CAPN1: variants seen among roughly 807,000 people sequenced by gnomAD.
CAPN1 encodes calpain 1, also known as calpain-1 catalytic subunit.
A neutral mutation model predicts 105.2 loss-of-function variants in CAPN1; 77 were observed. That is an observed-to-expected ratio of 0.73 (90% CI 0.61 to 0.88). The LOEUF (loss-of-function observed/expected upper bound fraction) is 0.88, where lower values mean the gene tolerates loss of function less well. Among genes scored for constraint, CAPN1 ranks in the 40% least tolerant of loss-of-function variants. The pLI, the probability that CAPN1 is intolerant of heterozygous loss-of-function variation, is 0.00. For synonymous variants in CAPN1, 355 were observed against 388.8 expected, an observed-to-expected ratio of 0.91 and a Z score of 1.02; for missense variants, 833 against 976.6, an observed-to-expected ratio of 0.85 and a Z score of 1.96.
Position 65,211,456 on chromosome 11 carries a change from C to G in CAPN1, c.*170C>G, listed in dbSNP as rs768454398. ...CCCAGCCACCATCGTTCATCTGCTC[C>G]GGGCAGAACTGTGTGGCCCCTGCCT... On this transcript the variant is annotated 3_prime_UTR_variant, in exon 22 of 22. Transcript: ENST00000279247. The G allele has an allele frequency of 3.0e-6, 2 of 673,764 alleles. No homozygotes were observed. Among genetic ancestry groups the G allele is most frequent in the South Asian group, 3.4e-5 (2 of 59,028 alleles). The allele number at this position is 673,764 out of a possible 1,614,324, so 41.7% of individuals were successfully genotyped here.
At position 65,211,565 on chromosome 11, in the gene CAPN1, G is replaced by T; in HGVS notation, c.*279G>T. Reference sequence around the variant, plus strand: ...GGCAGCTTTCGCTTGTTCCTGCCTCGGGACAGCCCCGGGTTTCCCCAGCAT... The same window carrying T: ...GGCAGCTTTCGCTTGTTCCTGCCTCTGGACAGCCCCGGGTTTCCCCAGCAT... On this transcript the variant is annotated 3_prime_UTR_variant, in exon 22 of 22. Transcript: ENST00000279247. 1.8e-6 allele frequency: 1 copy of T among 569,642 alleles called. No individual in the cohort carries two copies. Among genetic ancestry groups the T allele is most frequent in the Non-Finnish European group, 3.2e-6 (1 of 315,980 alleles). The allele number at this position is 569,642 out of a possible 1,614,324, so 35.3% of individuals were successfully genotyped here. A position where few individuals can be genotyped will look rare whatever the true frequency, so the allele number is the denominator to read the frequency against.
In CAPN1 at chr11:65,188,675, A is replaced by G. The variant is rs1327700684; in HGVS notation, c.1094A>G (p.Lys365Arg). The G allele has an allele frequency of 3.1e-6, 5 of 1,613,466 alleles. No individual in the cohort carries two copies. Among genetic ancestry groups the G allele is most frequent in the Non-Finnish European group, 4.2e-6 (5 of 1,179,740 alleles). ...PDALKSRTIRKWNTTLYEGTW... is the reference protein window; with the variant it reads ...PDALKSRTIRRWNTTLYEGTW... ...GCCCTCAAGAGCCGGACCATCCGCA[A>G]ATGGAACACCACACTCTACGAAGGC... The change falls in exon 10 of 22, where the codon AAA (lysine) becomes AGA (arginine). Residue 365 changes from lysine to arginine, a missense_variant. Coordinates refer to ENST00000279247, the MANE Select transcript of CAPN1 (RefSeq NM_005186.4). The surrounding 1 kb of genome is among the most constrained non-coding windows in gnomAD (Gnocchi z 5.5).
At chr11:65,199,189 C>T (rs1948833376) in intron 10 of CAPN1, among the ~76,000 whole-genome samples, 1 of 152,076 alleles carries the variant, frequency 6.6e-6, no homozygotes, top group African/African-American at 2.4e-5. Context: ...TATAAACTTT[C>T]TCAGTGTTTG....
intron 1 of CAPN1, chr11:65,182,322 G>C: frequency 5.5e-6 from 1 of 181,908 alleles, no homozygotes; most frequent in Non-Finnish European, 1.1e-5. Flanking sequence ...AGTTTGGGGA[G>C]GGGGTTGCAG....
Position 65,182,722 on chromosome 11 carries a change from GC to G in CAPN1, c.23del (p.Pro8ArgfsTer168). 1 of 1,576,288 alleles carries G rather than the reference GC, an allele frequency of 6.3e-7. No homozygotes were observed. On this transcript the variant is annotated frameshift_variant, in exon 2 of 22. Coordinates refer to ENST00000279247, the MANE Select transcript of CAPN1 (RefSeq NM_005186.4). LOFTEE classifies it high-confidence loss of function. ...GCAGGATGTCGGAGGAGATCATCACGCCGGTGTACTGCACTGGGGTGTCAGC... is the reference window on the plus strand; with the variant it reads ...GCAGGATGTCGGAGGAGATCATCACGCGGTGTACTGCACTGGGGTGTCAGC... MSEEIIT[P>X]VYCTGVSAQV...
At chr11:65,187,149 C>A in intron 6 of CAPN1, 66 bp from the exon 7 acceptor site, 2 of 1,194,990 alleles carry the variant, frequency 1.7e-6, no homozygotes, top group Non-Finnish European at 2.5e-6. Flanking sequence ...ACCCTGAGTG[C>A]TGGGGGCTCA....
At chr11:65,183,354 T>A (rs1326312827) in intron 3 of CAPN1, 120 bp from the exon 4 acceptor site, 4 of 1,106,306 alleles carry the variant, frequency 3.6e-6, no homozygotes, top group Admixed American at 1.9e-5. Flanking sequence ...GGGTCTTTTC[T>A]GCAAGCTGAG....
chr11:65,191,873 G>A (rs903388736), intron 10 of CAPN1, among the ~76,000 whole-genome samples: 3 of 152,012 alleles, frequency 2.0e-5, no homozygotes, highest in Admixed American at 6.6e-5. Context: ...CACTCTTAAA[G>A]GGGAAGTTTT....
intron 12 of CAPN1, chr11:65,206,237 G>A (rs111876335): frequency 5.8e-5 from 34 of 591,276 alleles, no homozygotes; most frequent in African/African-American, 4.8e-4. Flanking sequence ...CTGCAATCCG[G>A]TGCTCCTCTC....
intron 10 of CAPN1, among the ~76,000 whole-genome samples, chr11:65,203,122 C>G (rs372965862): frequency 1.3e-5 from 2 of 152,102 alleles, no homozygotes; most frequent in African/African-American, 4.8e-5. Context: ...TTTGTATATT[C>G]ACTCTTCAGT....
At chr11:65,197,264 A>C (rs1028204023) in intron 10 of CAPN1, among the ~76,000 whole-genome samples, 3 of 152,198 alleles carry the variant, frequency 2.0e-5, no homozygotes, top group Non-Finnish European at 4.4e-5. Flanking sequence ...TAACATCCTA[A>C]TGGCTTTGCC....
intron 11 of CAPN1, 95 bp from the exon 12 acceptor site, chr11:65,205,615 C>A: frequency 1.6e-6 from 2 of 1,233,026 alleles, no homozygotes; most frequent in Non-Finnish European, 2.4e-6. Context: ...TCCCATCAGT[C>A]CCGTCTAAGA....
Position 65,195,415 on chromosome 11 carries a change from C to T in CAPN1, c.1165+6669C>T, listed in dbSNP as rs184868022. On this transcript the variant is annotated intron_variant, in intron 10 of 21. Coordinates refer to ENST00000279247, the MANE Select transcript of CAPN1 (RefSeq NM_005186.4). ...TGCTGAGATTACAGGTGTTAGCCAC[C>T]GCGCCCGGCCAATTTTCTGAATTTT... is the stretch of plus-strand genomic sequence containing the variant. Among the ~76,000 whole-genome samples, 163 of 152,220 alleles carry T rather than the reference C, an allele frequency of 1.1e-3. 2 individuals carry two copies. Among genetic ancestry groups the T allele is most frequent in the African/African-American group, 3.9e-3 (161 of 41,518 alleles).
upstream of CAPN1, chr11:65,181,580 C>A: frequency 2.4e-6 from 1 of 415,722 alleles, no homozygotes; most frequent in Non-Finnish European, 4.8e-6. The surrounding 1 kb of genome is among the most constrained non-coding windows in gnomAD (Gnocchi z 4.6). Context: ...CCGTCCGGCC[C>A]TGCAACTCGA....
intron 12 of CAPN1, 92 bp downstream of exon 12, chr11:65,205,813 A>T: frequency 8.5e-7 from 1 of 1,178,404 alleles, no homozygotes. Context: ...TGGCCTGGAG[A>T]GCTAAGAAGT....
intron 14 of CAPN1, among the ~76,000 whole-genome samples, chr11:65,207,348 C>T (rs1400726208): frequency 6.6e-6 from 1 of 151,640 alleles, no homozygotes; most frequent in Non-Finnish European, 1.5e-5. Flanking sequence ...TACAGGCGCA[C>T]GTTACCACAC....
chr11:65,209,901 G>T lies in CAPN1; in HGVS notation c.1847G>T (p.Arg616Leu). The T allele has an allele frequency of 2.5e-6, 4 of 1,613,662 alleles. No individual in the cohort carries two copies. The highest frequency in any genetic ancestry group is 3.4e-6 in the Non-Finnish European group (4 of 1,179,830). The stretch of plus-strand genomic sequence containing the variant: ...GTGGAGTTCAACATCCTGTGGAACC[G>T]CATCCGGAATTACCTGGTAGGTTGT... ...GLVEFNILWN[R>L]IRNYLSIFRK... is the part of the protein sequence containing the mutation. Residue 616 changes from arginine to leucine, a missense_variant, in exon 18 of 22, where the codon CGC (arginine) becomes CTC (leucine). Transcript: ENST00000279247. The surrounding 1 kb of genome is among the most constrained non-coding windows in gnomAD (Gnocchi z 4.1).
chr11:65,182,817 G>T lies in CAPN1; in HGVS notation c.116G>T (p.Gly39Val). 1.3e-6 allele frequency: 2 copies of T among 1,592,662 alleles called. No homozygotes were observed. Among genetic ancestry groups the T allele is most frequent in the Non-Finnish European group, 8.5e-7 (1 of 1,169,976 alleles). Residue 39 changes from glycine to valine, a missense_variant, in exon 2 of 22, where the codon GGC becomes GTC. Physicochemically the swap from Gly to Val is moderately radical, Grantham distance 109. Transcript: ENST00000279247. ...CATGAGAATGCCATCAAGTACCTGG[G>T]CCAGGATTATGAGCAGCTGCGGGTG... ...GRHENAIKYLGQDYEQLRVRC... is the reference protein window; with the variant it reads ...GRHENAIKYLVQDYEQLRVRC...
In CAPN1 at chr11:65,208,955, A is replaced by T. The variant is rs1949003958; in HGVS notation, c.1730-368A>T. 4 of 299,834 alleles carry T rather than the reference A, an allele frequency of 1.3e-5. No homozygotes were observed. The highest frequency in any genetic ancestry group is 2.6e-5 in the Non-Finnish European group (4 of 154,232). 18.6% of individuals were successfully genotyped at this position (299,834 alleles called of 1,614,324 possible). On this transcript the variant is annotated intron_variant, in intron 16 of 21. Coordinates refer to ENST00000279247, the MANE Select transcript of CAPN1 (RefSeq NM_005186.4). This position sits in a 1 kb window ranked among gnomAD's most constrained non-coding sequence, Gnocchi z 4.1. ...CTCCCCTTTGCTGCCACTGACCTCC[A>T]TCCACACGGTTTCCTTAAGCAGAGC...
Sources: gnomAD v4.1 joint callset for allele counts (sites outside exome capture counted in the v4.1 genomes callset) on GRCh38, gnomAD v4.1.1 for gene constraint, Gnocchi (gnomAD v3.1) non-coding constraint, MANE v1.5 for transcripts, NCBI Gene and HGNC (gene_info 2026-07-23, HGNC 2026-07-21) for gene names.